The following TSNARE1 variants were observed in gnomAD, a reference collection of about 807,000 sequenced individuals.
TSNARE1 encodes t-SNARE domain-containing protein 1.
Under a neutral mutation model 62.0 loss-of-function variants are expected in TSNARE1, and 49 were observed. The ratio of observed to expected loss-of-function variants is 0.79; its 90% CI spans 0.63 to 1.00. The LOEUF is 1.00. Ranked by LOEUF, TSNARE1 falls within the 50% of genes least tolerant of loss-of-function variation. The pLI is 0.00. For missense variants in TSNARE1, 755 were observed against 700.1 expected (o/e 1.08, Z -0.88); for synonymous variants, 328 against 294.4 (o/e 1.11, Z -1.17).
At position 142,319,140 on chromosome 8, in the gene TSNARE1, G is replaced by A. The variant is rs1007849786; in HGVS notation, c.894-506C>T. Among the ~76,000 whole-genome samples, 14 of 150,446 alleles carry A rather than the reference G, an allele frequency of 9.3e-5. No homozygotes were observed. The highest frequency in any genetic ancestry group is 2.4e-4 in the African/African-American group (10 of 40,962). On this transcript the variant is annotated intron_variant, in intron 6 of 13. Transcript: ENST00000524325. The surrounding 1 kb of genome is among the most constrained non-coding windows in gnomAD (Gnocchi z 4.9). ...CCGGGCCCCACCAATCGGCCACTGC[G>A]AGGACCACCTTGCTCCGCCGCAACC... is the stretch of plus-strand genomic sequence containing the variant.
At chr8:142,293,791 G>A (rs901530426) in intron 10 of TSNARE1, among the ~76,000 whole-genome samples, 1 of 152,178 alleles carries the variant, frequency 6.6e-6, no homozygotes, top group African/African-American at 2.4e-5. Context: ...CTGCCCTGGA[G>A]CATCTGCATC....
chr8:142,272,500 C>T lies in TSNARE1; in HGVS notation c.1446+2281G>A, dbSNP rs1293069111. The T allele has an allele frequency of 4.6e-5, 13 of 281,092 alleles. 1 individual carries two copies. Among genetic ancestry groups the T allele is most frequent in the Admixed American group, 1.3e-4 (2 of 14,924 alleles). 17.4% of individuals were successfully genotyped at this position (281,092 alleles called of 1,614,324 possible). A position where few individuals can be genotyped will look rare whatever the true frequency, so the allele number is the denominator to read the frequency against. Reference sequence around the variant, plus strand: ...CCCGTCTACACCTTCCTTCTTCCATCCATCCACCACCCGTCTACAGCTTCC... The same window carrying T: ...CCCGTCTACACCTTCCTTCTTCCATTCATCCACCACCCGTCTACAGCTTCC... On this transcript the variant is annotated intron_variant, in intron 12 of 13. Transcript: ENST00000524325.
At chr8:142,302,108 C>T (rs926052551) in intron 9 of TSNARE1, among the ~76,000 whole-genome samples, 1 of 152,266 alleles carries the variant, frequency 6.6e-6, no homozygotes, top group East Asian at 1.9e-4. Flanking sequence ...TCAGGGAGTT[C>T]ACAGCCACCC....
intron 1 of TSNARE1, among the ~76,000 whole-genome samples, chr8:142,380,496 C>T (rs146612954): frequency 6.6e-6 from 1 of 152,050 alleles, no homozygotes; most frequent in Non-Finnish European, 1.5e-5. Flanking sequence ...GCCCCTATCA[C>T]GCTGCATCCT....
intron 13 of TSNARE1, among the ~76,000 whole-genome samples, chr8:142,218,765 G>A (rs1467715599): frequency 6.6e-6 from 1 of 152,186 alleles, no homozygotes; most frequent in East Asian, 1.9e-4. Context: ...GGAGCCTTGA[G>A]GCCCTTCTCT....
intron 12 of TSNARE1, among the ~76,000 whole-genome samples, chr8:142,260,147 C>T (rs752789522): frequency 1.3e-5 from 2 of 152,086 alleles, no homozygotes; most frequent in African/African-American, 2.4e-5. Context: ...TCCACAGCCC[C>T]GAACCCAGAG....
rs765351156 is a variant in TSNARE1, at chr8:142,250,971, G to A, written c.1447-21392C>T. On this transcript the variant is annotated intron_variant, in intron 12 of 13. Transcript: ENST00000524325. ...GTAAAGGAAGGCCAAGGAAACCCCCGTAAGGGCGGCTCAGCCTCCAGGGAG... is the reference window on the plus strand; with the variant it reads ...GTAAAGGAAGGCCAAGGAAACCCCCATAAGGGCGGCTCAGCCTCCAGGGAG... Among the ~76,000 whole-genome samples, 166 of 152,336 alleles carry A rather than the reference G, an allele frequency of 1.1e-3. 2 individuals carry two copies. The highest frequency in any genetic ancestry group is 3.4e-3 in the Middle Eastern group (1 of 294).
At chr8:142,323,205 C>A (rs979694361) in intron 6 of TSNARE1, among the ~76,000 whole-genome samples, 1 of 152,198 alleles carries the variant, frequency 6.6e-6, no homozygotes, top group African/African-American at 2.4e-5. Context: ...TCAAGGTAAT[C>A]CCAAAAAATT....
At chr8:142,290,097 T>G (rs1354334351) in intron 10 of TSNARE1, among the ~76,000 whole-genome samples, 1 of 152,152 alleles carries the variant, frequency 6.6e-6, no homozygotes, top group African/African-American at 2.4e-5. Flanking sequence ...CAGGCACACC[T>G]AGGAGACTTG....
intron 12 of TSNARE1, among the ~76,000 whole-genome samples, chr8:142,232,153 G>A (rs745646532): frequency 1.1e-4 from 17 of 152,248 alleles, no homozygotes; most frequent in Admixed American, 6.5e-4. Flanking sequence ...GACTTGGGGT[G>A]CCATGCCCTG....
chr8:142,307,481 G>C (rs771304775), intron 9 of TSNARE1, among the ~76,000 whole-genome samples: 15 of 152,050 alleles, frequency 9.9e-5, no homozygotes, highest in Non-Finnish European at 1.9e-4. Context: ...AAAATGACTT[G>C]GTATTTTCAT....
intron 11 of TSNARE1, among the ~76,000 whole-genome samples, chr8:142,282,924 G>A (rs1821869701): frequency 1.3e-5 from 2 of 148,298 alleles, no homozygotes; most frequent in Non-Finnish European, 3.0e-5. Context: ...TCAATGAGCG[G>A]AGGTGGGGCC....
intron 1 of TSNARE1, among the ~76,000 whole-genome samples, chr8:142,367,589 A>C (rs928405136): frequency 2.6e-5 from 4 of 152,216 alleles, no homozygotes; most frequent in Admixed American, 6.5e-5. Context: ...GGTGATGGAG[A>C]TATTCTGGCA....
intron 10 of TSNARE1, among the ~76,000 whole-genome samples, chr8:142,299,605 G>A (rs1825348022): frequency 6.6e-6 from 1 of 151,156 alleles, no homozygotes; most frequent in African/African-American, 2.4e-5. Flanking sequence ...ACTCACATAT[G>A]CATGCACTTA....
chr8:142,362,197 T>A (rs1327183518), intron 1 of TSNARE1, among the ~76,000 whole-genome samples: 1 of 152,164 alleles, frequency 6.6e-6, no homozygotes, highest in African/African-American at 2.4e-5. Flanking sequence ...CCAGGAAAAG[T>A]GAGCACCTTG....
chr8:142,268,562 G>A (rs537211915), intron 12 of TSNARE1, among the ~76,000 whole-genome samples: 58 of 152,326 alleles, frequency 3.8e-4, no homozygotes, highest in African/African-American at 1.3e-3. Flanking sequence ...CAGATTGCAC[G>A]CTGCCTACCC....
intron 12 of TSNARE1, among the ~76,000 whole-genome samples, chr8:142,235,967 G>C (rs1229852388): frequency 6.6e-6 from 1 of 152,130 alleles, no homozygotes; most frequent in East Asian, 1.9e-4. Context: ...GGCACAGAAG[G>C]CTGCAAGTCC....
At chr8:142,243,946 G>T (rs1347927901) in intron 12 of TSNARE1, among the ~76,000 whole-genome samples, 2 of 151,932 alleles carry the variant, frequency 1.3e-5, no homozygotes, top group Non-Finnish European at 2.9e-5. Flanking sequence ...CCAGCAATTT[G>T]GGAGGCCGAG....
Position 142,314,409 on chromosome 8 carries a change from G to A in TSNARE1, c.1106C>T (p.Pro369Leu). 4 of 1,614,032 alleles carry A rather than the reference G, an allele frequency of 2.5e-6. No individual in the cohort carries two copies. Among genetic ancestry groups the A allele is most frequent in the Non-Finnish European group, 3.4e-6 (4 of 1,179,972 alleles). ...KIAEKSRALL[P>L]MAQRGSKQSP... ...CTGTTTACTGCCCCTCTGCGCCATG[G>A]GAAGCAGCGCTCTGGACTTTTCTGC... The change falls in exon 9 of 14, where the codon CCC (proline) becomes CTC (leucine). Residue 369 changes from proline to leucine, a missense_variant. Transcript: ENST00000524325.
Sources: allele counts gnomAD v4.1 joint callset (sites outside exome capture counted in the v4.1 genomes callset), GRCh38; gene constraint gnomAD v4.1.1; non-coding constraint Gnocchi (gnomAD v3.1); transcripts MANE v1.5; gene names NCBI Gene and HGNC (gene_info 2026-07-23, HGNC 2026-07-21).